THSD7B: variants seen among roughly 807,000 people sequenced by gnomAD.
The protein encoded by THSD7B is thrombospondin type 1 domain containing 7B.
A neutral mutation model predicts 213.6 loss-of-function variants in THSD7B; 138 were observed. That is an observed-to-expected ratio of 0.65 (90% CI 0.56 to 0.74). The LOEUF is 0.74. Ranked by LOEUF, THSD7B falls within the 30% of genes least tolerant of loss-of-function variation. The pLI is 0.00. For missense variants in THSD7B, 1,931 were observed against 1,991.5 expected (o/e 0.97, Z 0.58); for synonymous variants, 742 against 687.0 (o/e 1.08, Z -1.25).
intron 15 of THSD7B, among the ~76,000 whole-genome samples, chr2:137,543,388 G>C (rs1214075913): frequency 6.6e-6 from 1 of 151,792 alleles, no homozygotes; most frequent in Non-Finnish European, 1.5e-5. Context: ...AAGAAAAACT[G>C]TCTTTTTGAC....
intron 15 of THSD7B, among the ~76,000 whole-genome samples, chr2:137,484,383 G>T (rs1688380352): frequency 7.4e-6 from 1 of 135,802 alleles, no homozygotes. Flanking sequence ...GTATTCCATG[G>T]TGTATATGTG....
intron 9 of THSD7B, among the ~76,000 whole-genome samples, chr2:137,233,425 G>T (rs1177254987): frequency 6.6e-6 from 1 of 152,158 alleles, no homozygotes; most frequent in East Asian, 1.9e-4. Context: ...TTCTAGAGCT[G>T]ATCTCTGTAT....
At chr2:136,876,509 T>G (rs1652443) in intron 1 of THSD7B, among the ~76,000 whole-genome samples, 96,910 of 152,010 alleles carry the variant, frequency 0.64, 32,367 homozygotes, top group Non-Finnish European at 0.74. Flanking sequence ...GAGAATATAA[T>G]AGCCTGGCTT....
intron 15 of THSD7B, among the ~76,000 whole-genome samples, chr2:137,485,613 G>T (rs1655461351): frequency 6.6e-6 from 1 of 152,208 alleles, no homozygotes; most frequent in African/African-American, 2.4e-5. Context: ...ATCTAGCAAG[G>T]CAGGGCAACG....
At chr2:137,035,137 T>G (rs2104856134) in intron 2 of THSD7B, among the ~76,000 whole-genome samples, 1 of 152,328 alleles carries the variant, frequency 6.6e-6, no homozygotes, top group South Asian at 2.1e-4. Flanking sequence ...TCTGTGAACT[T>G]TGAACTTTAT....
chr2:137,566,234 A>G (rs1177111922), intron 16 of THSD7B, among the ~76,000 whole-genome samples: 1 of 152,224 alleles, frequency 6.6e-6, no homozygotes, highest in East Asian at 1.9e-4. Flanking sequence ...AAAATAGTGA[A>G]TAACATTTTT....
intron 2 of THSD7B, among the ~76,000 whole-genome samples, chr2:136,975,938 C>T (rs1192431487): frequency 6.6e-6 from 1 of 152,132 alleles, no homozygotes; most frequent in African/African-American, 2.4e-5. Context: ...ATTTTATTCT[C>T]CTTTTAGCAA....
chr2:137,648,928 CTAT>C (rs1197250859), intron 21 of THSD7B, among the ~76,000 whole-genome samples: 5 of 152,168 alleles, frequency 3.3e-5, no homozygotes, highest in Non-Finnish European at 5.9e-5. Context: ...TCACCAGCAT[CTAT>C]TATTACCTGT....
intron 8 of THSD7B, among the ~76,000 whole-genome samples, chr2:137,231,896 C>A (rs765587955): frequency 6.6e-6 from 1 of 152,148 alleles, no homozygotes; most frequent in Non-Finnish European, 1.5e-5. Context: ...TTTTTCTGCC[C>A]ATGGCTCAGT....
At chr2:136,948,839 G>T (rs1242079276) in intron 2 of THSD7B, among the ~76,000 whole-genome samples, 1 of 152,136 alleles carries the variant, frequency 6.6e-6, no homozygotes, top group Non-Finnish European at 1.5e-5. Flanking sequence ...ATCTATGCAG[G>T]AAAGATGCAG....
intron 4 of THSD7B, among the ~76,000 whole-genome samples, chr2:137,101,781 A>T (rs1298639885): frequency 1.3e-5 from 2 of 152,150 alleles, no homozygotes; most frequent in African/African-American, 4.8e-5. Context: ...TGGGAAGTTC[A>T]AACTGGGTGG....
At chr2:137,166,316 A>C (rs944093476) in intron 6 of THSD7B, among the ~76,000 whole-genome samples, 18 of 152,222 alleles carry the variant, frequency 1.2e-4, no homozygotes, top group African/African-American at 4.3e-4. Context: ...GAGATATATA[A>C]GAGAATTAGC....
At chr2:137,454,452 A>G (rs113649696) in intron 15 of THSD7B, among the ~76,000 whole-genome samples, 2 of 151,308 alleles carry the variant, frequency 1.3e-5, no homozygotes, top group Non-Finnish European at 3.0e-5. Flanking sequence ...CTATCTATCT[A>G]TCTATCTATC....
intron 7 of THSD7B, among the ~76,000 whole-genome samples, chr2:137,217,592 C>T (rs1393478454): frequency 6.6e-6 from 1 of 152,106 alleles, no homozygotes; most frequent in African/African-American, 2.4e-5. Context: ...GTGCCTTTAG[C>T]AGTATTCATA....
At chr2:137,585,454 C>T (rs950449095) in intron 17 of THSD7B, among the ~76,000 whole-genome samples, 3 of 151,958 alleles carry the variant, frequency 2.0e-5, no homozygotes, top group African/African-American at 2.4e-5. Context: ...TAGATCTTTC[C>T]TGCTTTCTCT....
chr2:136,875,526 T>G (rs1275722697), intron 1 of THSD7B, among the ~76,000 whole-genome samples: 3 of 152,224 alleles, frequency 2.0e-5, no homozygotes, highest in Admixed American at 1.3e-4. Flanking sequence ...TGAGATTCTT[T>G]TAATCATTGT....
At chr2:137,361,317 C>A (rs1685251651) in intron 12 of THSD7B, among the ~76,000 whole-genome samples, 1 of 152,274 alleles carries the variant, frequency 6.6e-6, no homozygotes, top group Admixed American at 6.5e-5. Context: ...ACCAGAGCGC[C>A]CCTTCTCCTC....
intron 1 of THSD7B, among the ~76,000 whole-genome samples, chr2:136,801,467 A>G (rs1682177122): frequency 6.6e-6 from 1 of 152,074 alleles, no homozygotes; most frequent in African/African-American, 2.4e-5. Context: ...CAAGAAAGCA[A>G]AATGATAGGG....
chr2:136,822,962 G>C (rs539872138), intron 1 of THSD7B, among the ~76,000 whole-genome samples: 1 of 152,316 alleles, frequency 6.6e-6, no homozygotes, highest in African/African-American at 2.4e-5. Flanking sequence ...TGTACTGATG[G>C]GGAGCTTTCC....
Sources: gnomAD v4.1 joint callset for allele counts (sites outside exome capture counted in the v4.1 genomes callset) on GRCh38, gnomAD v4.1.1 for gene constraint, MANE v1.5 for transcripts, NCBI Gene and HGNC (gene_info 2026-07-23, HGNC 2026-07-21) for gene names.